The following SEMA3A variants were observed in gnomAD, a reference collection of about 807,000 sequenced individuals.
The protein encoded by SEMA3A is semaphorin-3A.
Under a neutral mutation model 97.9 loss-of-function variants are expected in SEMA3A, and 29 were observed. That is an observed-to-expected ratio of 0.30 (90% CI 0.22 to 0.40). SEMA3A has a LOEUF of 0.40. SEMA3A is among the 10% of genes least tolerant of loss of function. The pLI is 1.00. For missense variants in SEMA3A, 763 were observed against 951.3 expected, an observed-to-expected ratio of 0.80 and a Z score of 2.60; for synonymous variants, 321 against 323.7, an observed-to-expected ratio of 0.99 and a Z score of 0.09.
chr7:84,117,950 C>G (rs1020035809), intron 3 of SEMA3A, among the ~76,000 whole-genome samples: 2 of 152,150 alleles, frequency 1.3e-5, no homozygotes, highest in Non-Finnish European at 2.9e-5. Context: ...AACTGGTTAT[C>G]CAATTCTTAA....
At chr7:84,242,467 T>A (rs1238194082) in intron 3 of SEMA3A, among the ~76,000 whole-genome samples, 3 of 152,224 alleles carry the variant, frequency 2.0e-5, no homozygotes, top group Non-Finnish European at 4.4e-5. Context: ...TTTTGCACAC[T>A]GATTTTGTAT....
At chr7:84,119,295 G>T (rs1405293081) in intron 3 of SEMA3A, among the ~76,000 whole-genome samples, 3 of 152,076 alleles carry the variant, frequency 2.0e-5, no homozygotes, top group Non-Finnish European at 4.4e-5. Flanking sequence ...CACCTAATTT[G>T]AATGGAATAG....
At chr7:84,252,405 C>T (rs942157411) in intron 3 of SEMA3A, among the ~76,000 whole-genome samples, 3 of 152,116 alleles carry the variant, frequency 2.0e-5, no homozygotes, top group African/African-American at 7.2e-5. Flanking sequence ...CGCAATAACA[C>T]AGAAAGAAAG....
chr7:84,399,736 T>C (rs988047406), intron 1 of SEMA3A, among the ~76,000 whole-genome samples: 1 of 152,178 alleles, frequency 6.6e-6, no homozygotes, highest in Non-Finnish European at 1.5e-5. Context: ...TAGGTGCTGG[T>C]TAAAATGGCC....
intron 5 of SEMA3A, among the ~76,000 whole-genome samples, chr7:84,053,974 C>T (rs544269996): frequency 6.6e-6 from 1 of 150,566 alleles, no homozygotes; most frequent in African/African-American, 2.4e-5. Flanking sequence ...ACTTATGAAG[C>T]TTAGTTTGGA....
At chr7:83,994,185 C>A (rs1487251785) in intron 12 of SEMA3A, among the ~76,000 whole-genome samples, 5 of 122,408 alleles carry the variant, frequency 4.1e-5, no homozygotes, top group Non-Finnish European at 8.5e-5. Context: ...TTAAGCACTT[C>A]TCTGTATTGG....
chr7:84,145,393 A>T (rs952075355), intron 1 of SEMA3A, among the ~76,000 whole-genome samples: 1 of 152,160 alleles, frequency 6.6e-6, no homozygotes, highest in African/African-American at 2.4e-5. Flanking sequence ...AAGTGACTCA[A>T]ATGTAATTTG....
Position 84,167,070 on chromosome 7 carries a change from A to T in SEMA3A, c.112+27405T>A, listed in dbSNP as rs1584070740. 1.1e-4 allele frequency among the ~76,000 whole-genome samples: 5 copies of T among 46,528 alleles called. No individual in the cohort carries two copies. The Admixed American group carries it at 1.2e-3, about 11-fold the overall frequency. The allele number at this position is 46,528 out of a possible 152,430, so 30.5% of individuals were successfully genotyped here. On this transcript the variant is annotated intron_variant, in intron 1 of 16. Transcript: ENST00000265362. ...CAGTTCAGATTTTTGCAGTCCTACAAGATGTAGGACTGATGTATGGCAAAA... is the reference window on the plus strand; with the variant it reads ...CAGTTCAGATTTTTGCAGTCCTACATGATGTAGGACTGATGTATGGCAAAA...
chr7:84,453,435 A>G (rs1805612485), intron 1 of SEMA3A, among the ~76,000 whole-genome samples: 1 of 151,646 alleles, frequency 6.6e-6, no homozygotes, highest in South Asian at 2.1e-4. Flanking sequence ...ACGGGGTTTC[A>G]CCGTGTTAGC....
At chr7:84,080,965 T>C (rs1256061741) in intron 4 of SEMA3A, among the ~76,000 whole-genome samples, 1 of 152,048 alleles carries the variant, frequency 6.6e-6, no homozygotes, top group African/African-American at 2.4e-5. Context: ...CATACAAAAA[T>C]ATGAAAATAG....
chr7:84,488,417 T>C (rs1225715227), intron 1 of SEMA3A, among the ~76,000 whole-genome samples: 2 of 151,558 alleles, frequency 1.3e-5, no homozygotes, highest in Non-Finnish European at 2.9e-5. Flanking sequence ...AAAAAACAAA[T>C]ACCCAGATAG....
chr7:83,968,416 GTTTACTCTATGTTTACTT>G (rs1788793008), intron 15 of SEMA3A, among the ~76,000 whole-genome samples: 2 of 152,102 alleles, frequency 1.3e-5, no homozygotes, highest in African/African-American at 4.8e-5. Flanking sequence ...GCATTACAGT[GTTTACTCTATGTTTACTT>G]TTGGAAAATT....
At chr7:84,157,144 A>C (rs464) in intron 1 of SEMA3A, among the ~76,000 whole-genome samples, 3 of 152,144 alleles carry the variant, frequency 2.0e-5, no homozygotes, top group Admixed American at 1.3e-4. Context: ...AATGGCAGTA[A>C]AAGAAATACT....
intron 1 of SEMA3A, among the ~76,000 whole-genome samples, chr7:84,167,045 C>G (rs1797234318): frequency 2.1e-5 from 1 of 46,740 alleles, no homozygotes; most frequent in African/African-American, 5.4e-5. Flanking sequence ...ACTGCAAAAA[C>G]AGTTCAGATT....
intron 3 of SEMA3A, among the ~76,000 whole-genome samples, chr7:84,255,108 T>C (rs1226141335): frequency 6.6e-6 from 1 of 152,122 alleles, no homozygotes; most frequent in Non-Finnish European, 1.5e-5. Context: ...TCGGGGACAT[T>C]ACATACCTGG....
chr7:84,427,669 A>AAAAG (rs1361056388), intron 1 of SEMA3A, among the ~76,000 whole-genome samples: 3 of 147,486 alleles, frequency 2.0e-5, no homozygotes, highest in Non-Finnish European at 3.0e-5. Context: ...AAAAAAAAAA[A>AAAAG]AAGTATTCAC....
At chr7:84,474,835 TA>T (rs1172392457) in intron 1 of SEMA3A, among the ~76,000 whole-genome samples, 1 of 152,048 alleles carries the variant, frequency 6.6e-6, no homozygotes. Context: ...CCAGTAGGAA[TA>T]AATGTTTATA....
At chr7:84,188,612 T>C (rs1193234070) in intron 1 of SEMA3A, among the ~76,000 whole-genome samples, 1 of 151,956 alleles carries the variant, frequency 6.6e-6, no homozygotes, top group Non-Finnish European at 1.5e-5. Flanking sequence ...GCTACTTCAT[T>C]CTTGGTAAGC....
chr7:84,155,743 A>AT (rs1476597382), intron 1 of SEMA3A, among the ~76,000 whole-genome samples: 6 of 152,158 alleles, frequency 3.9e-5, no homozygotes, highest in Admixed American at 2.0e-4. Context: ...AGCTGCTGAG[A>AT]TTTTTTTAAA....
Sources: gnomAD v4.1 joint callset for allele counts (sites outside exome capture counted in the v4.1 genomes callset) on GRCh38, gnomAD v4.1.1 for gene constraint, MANE v1.5 for transcripts, NCBI Gene and HGNC (gene_info 2026-07-23, HGNC 2026-07-21) for gene names.